The following HEBP2 variants were observed in gnomAD, a reference collection of about 807,000 sequenced individuals.
HEBP2 encodes the protein heme binding protein 2, also known as heme-binding protein 2.
HEBP2 carries 27 observed loss-of-function variants against 23.1 expected under a neutral mutation model. That is an observed-to-expected ratio of 1.17 (90% CI 0.86 to 1.61). The LOEUF is 1.61. Ranked by LOEUF, HEBP2 falls within the 40% of genes most tolerant of loss-of-function variation. HEBP2 has a pLI of 0.00. For synonymous variants in HEBP2, 99 were observed against 95.1 expected, an observed-to-expected ratio of 1.04 and a Z score of -0.24; for missense variants, 245 against 253.8, an observed-to-expected ratio of 0.97 and a Z score of 0.24.
rs1246953454 is a variant in HEBP2, at chr6:138,404,242, C to G, written c.-254C>G. The G allele has an allele frequency of 3.2e-6, 1 of 316,652 alleles. No individual in the cohort carries two copies. The highest frequency in any genetic ancestry group is 5.7e-6 in the Non-Finnish European group (1 of 174,086). 19.6% of individuals were successfully genotyped at this position (316,652 alleles called of 1,614,324 possible). A position where few individuals can be genotyped will look rare whatever the true frequency, so the allele number is the denominator to read the frequency against. On this transcript the variant is annotated 5_prime_UTR_variant, in exon 1 of 4. Coordinates refer to ENST00000607197, the MANE Select transcript of HEBP2 (RefSeq NM_014320.3). ...GCGGCTCCCTGTCGCCGCGGAGGGG[C>G]GGGGGCAGGACGCGCAACTCCGGCC...
At position 138,404,491 on chromosome 6, in the gene HEBP2, C is replaced by G; in HGVS notation, c.-5C>G. 2 of 1,274,930 alleles carry G rather than the reference C, an allele frequency of 1.6e-6. No homozygotes were observed. The highest frequency in any genetic ancestry group is 2.0e-6 in the Non-Finnish European group (2 of 1,011,288). 79.0% of individuals were successfully genotyped at this position (1,274,930 alleles called of 1,614,324 possible). ...GACCAGGCTCCCAGAGCGTCAGCGC[C>G]GCCCATGGCCGAGCCGCTCCAGCCA... On this transcript the variant is annotated 5_prime_UTR_variant, in exon 1 of 4. Coordinates refer to ENST00000607197, the MANE Select transcript of HEBP2 (RefSeq NM_014320.3).
In HEBP2 at chr6:138,417,112, T is replaced by G. The variant is rs1378652291; in HGVS notation, c.*4034T>G. 6.6e-6 allele frequency: 1 copy of G among 152,122 alleles called. No individual in the cohort carries two copies. The highest frequency in any genetic ancestry group is 1.5e-5 in the Non-Finnish European group (1 of 68,022). 9.4% of individuals were successfully genotyped at this position (152,122 alleles called of 1,614,324 possible). On this transcript the variant is annotated 3_prime_UTR_variant, in exon 4 of 4. Coordinates refer to ENST00000607197, the MANE Select transcript of HEBP2 (RefSeq NM_014320.3). ...AAAGAGTCATTACAGTTCCTCCTCC[T>G]CCCATTAAAATGGGAGCATACAGAG...
chr6:138,414,950 G>A lies in HEBP2; in HGVS notation c.*1872G>A, dbSNP rs1774817228. 1 of 152,204 alleles carries A rather than the reference G, an allele frequency of 6.6e-6. No individual in the cohort carries two copies. Among genetic ancestry groups the A allele is most frequent in the Admixed American group, 6.5e-5 (1 of 15,278 alleles). The allele number at this position is 152,204 out of a possible 1,614,324, so 9.4% of individuals were successfully genotyped here. A position where few individuals can be genotyped will look rare whatever the true frequency, so the allele number is the denominator to read the frequency against. On this transcript the variant is annotated 3_prime_UTR_variant, in exon 4 of 4. Transcript: ENST00000607197. The stretch of plus-strand genomic sequence containing the variant: ...ACACGCCTGTATTCCTAGCTCCTGA[G>A]GTGAAAGGATTGCTTGAGCTCGGGA...
rs2114761125 is a variant in HEBP2 at position 138,404,272 on chromosome 6, C to G, written c.-224C>G. 1 of 325,686 alleles carries G rather than the reference C, an allele frequency of 3.1e-6. No individual in the cohort carries two copies. 20.2% of individuals were successfully genotyped at this position (325,686 alleles called of 1,614,324 possible). On this transcript the variant is annotated 5_prime_UTR_variant, in exon 1 of 4. Transcript: ENST00000607197. ...GCAGGACGCGCAACTCCGGCCGGAG[C>G]TGTCCGGGGTCGTGAGCCGGCCCCG...
intron 1 of HEBP2, 72 bp from the exon 2 acceptor site, chr6:138,405,073 G>C (rs1039781305): frequency 4.9e-5 from 76 of 1,535,914 alleles, no homozygotes; most frequent in African/African-American, 6.9e-5. Flanking sequence ...CGAGATCATG[G>C]CACCGGTATT....
chr6:138,412,360 C>T (rs1774761489), intron 3 of HEBP2: 1 of 228,042 alleles, frequency 4.4e-6, no homozygotes, highest in Non-Finnish European at 8.8e-6. Context: ...GGGGATGCAT[C>T]CTCCTGGGTT....
intron 2 of HEBP2, among the ~76,000 whole-genome samples, chr6:138,405,766 G>C (rs945496165): frequency 2.6e-5 from 4 of 152,128 alleles, no homozygotes; most frequent in African/African-American, 9.7e-5. Context: ...TATTAACCCA[G>C]AATATCAGTA....
Position 138,413,607 on chromosome 6 carries a change from T to G in HEBP2, c.*529T>G, listed in dbSNP as rs1774790260. The G allele has an allele frequency of 6.5e-6, 1 of 152,982 alleles. No individual in the cohort carries two copies. The highest frequency in any genetic ancestry group is 2.4e-5 in the African/African-American group (1 of 41,462). The allele number at this position is 152,982 out of a possible 1,614,324, so 9.5% of individuals were successfully genotyped here. On this transcript the variant is annotated 3_prime_UTR_variant, in exon 4 of 4. Coordinates refer to ENST00000607197, the MANE Select transcript of HEBP2 (RefSeq NM_014320.3). ...CCACTGCCCCACTGCACAAGAATAC[T>G]CCATGTAACTCCATTTAAATGTAAT...
At chr6:138,410,242 G>T (rs1360169666) in intron 3 of HEBP2, among the ~76,000 whole-genome samples, 1 of 152,190 alleles carries the variant, frequency 6.6e-6, no homozygotes, top group Admixed American at 6.5e-5. Context: ...GCAGGCACGT[G>T]GGGGTGAGGG....
In HEBP2 at chr6:138,421,099, T is replaced by C. The variant is rs1355490959; in HGVS notation, c.*8021T>C. The C allele has an allele frequency of 7.2e-5, 11 of 152,210 alleles. No homozygotes were observed. Among genetic ancestry groups the C allele is most frequent in the Admixed American group, 7.2e-4 (11 of 15,282 alleles). The allele number at this position is 152,210 out of a possible 1,614,324, so 9.4% of individuals were successfully genotyped here. A position where few individuals can be genotyped will look rare whatever the true frequency, so the allele number is the denominator to read the frequency against. On this transcript the variant is annotated 3_prime_UTR_variant, in exon 4 of 4. Coordinates refer to ENST00000607197, the MANE Select transcript of HEBP2 (RefSeq NM_014320.3). ...TGTATTACAGTTACCGAGTGGCTTA[T>C]TAAGGAAAGTGGCGCAACAATCAGG...
intron 3 of HEBP2, among the ~76,000 whole-genome samples, chr6:138,409,689 G>A (rs906096261): frequency 2.6e-5 from 4 of 152,078 alleles, no homozygotes; most frequent in African/African-American, 4.8e-5. Context: ...CAAAATCTCC[G>A]TTGGATTCCT....
intron 2 of HEBP2, 147 bp downstream of exon 2, chr6:138,405,427 C>G: frequency 1.0e-6 from 1 of 1,000,496 alleles, no homozygotes; most frequent in South Asian, 1.5e-5. Flanking sequence ...CAAGACTCCT[C>G]AGGACCAGGG....
In HEBP2 at chr6:138,413,167, T is replaced by G; in HGVS notation, c.*89T>G. ...ACCTATAAGTAAAGTGCGTGTCTAGTGTCTTCTATTGAGAGTACTACTATT... is the reference window on the plus strand; with the variant it reads ...ACCTATAAGTAAAGTGCGTGTCTAGGGTCTTCTATTGAGAGTACTACTATT... On this transcript the variant is annotated 3_prime_UTR_variant, in exon 4 of 4. Coordinates refer to ENST00000607197, the MANE Select transcript of HEBP2 (RefSeq NM_014320.3). The G allele has an allele frequency of 1.0e-6, 1 of 958,384 alleles. No homozygotes were observed. 59.4% of individuals were successfully genotyped at this position (958,384 alleles called of 1,614,324 possible).
At position 138,417,042 on chromosome 6, in the gene HEBP2, C is replaced by T. The variant is rs929805106; in HGVS notation, c.*3964C>T. The T allele has an allele frequency of 1.3e-5, 2 of 152,160 alleles. No homozygotes were observed. The highest frequency in any genetic ancestry group is 4.8e-5 in the African/African-American group (2 of 41,438). 9.4% of individuals were successfully genotyped at this position (152,160 alleles called of 1,614,324 possible). ...CTCTACCCTGGGGAAAGAGGAATACCTGGATACGTCAGGGTCCAAGTTAAC... is the reference window on the plus strand; with the variant it reads ...CTCTACCCTGGGGAAAGAGGAATACTTGGATACGTCAGGGTCCAAGTTAAC... On this transcript the variant is annotated 3_prime_UTR_variant, in exon 4 of 4. Coordinates refer to ENST00000607197, the MANE Select transcript of HEBP2 (RefSeq NM_014320.3).
At position 138,414,605 on chromosome 6, in the gene HEBP2, C is replaced by T. The variant is rs1334685367; in HGVS notation, c.*1527C>T. On this transcript the variant is annotated 3_prime_UTR_variant, in exon 4 of 4. Transcript: ENST00000607197. Reference sequence around the variant, plus strand: ...GGGTGTGGTTCGCCGACAGTCTCCCCGTTACCGTCTTCAGGGTCCACGCCA... The same window carrying T: ...GGGTGTGGTTCGCCGACAGTCTCCCTGTTACCGTCTTCAGGGTCCACGCCA... The T allele has an allele frequency of 2.0e-5, 3 of 152,228 alleles. No individual in the cohort carries two copies. Among genetic ancestry groups the T allele is most frequent in the East Asian group, 1.9e-4 (1 of 5,200 alleles). The allele number at this position is 152,228 out of a possible 1,614,324, so 9.4% of individuals were successfully genotyped here.
upstream of HEBP2, chr6:138,403,633 G>T: frequency 2.3e-6 from 1 of 433,822 alleles, no homozygotes; most frequent in Non-Finnish European, 4.1e-6. Flanking sequence ...CGCGGAGTCG[G>T]CCTGGCCGGC....
At chr6:138,406,728 A>C (rs1774651551) in intron 3 of HEBP2, among the ~76,000 whole-genome samples, 1 of 152,198 alleles carries the variant, frequency 6.6e-6, no homozygotes, top group African/African-American at 2.4e-5. Flanking sequence ...TCATCTCCTA[A>C]TACTATCACA....
rs142521821 is a variant in HEBP2 at position 138,404,390 on chromosome 6, G to C, written c.-106G>C. 380 of 694,882 alleles carry C rather than the reference G, an allele frequency of 5.5e-4. 2 individuals are homozygous for C. The Middle Eastern group carries it at 7.5e-3, about 14-fold the overall frequency. 43.0% of individuals were successfully genotyped at this position (694,882 alleles called of 1,614,324 possible). On this transcript the variant is annotated 5_prime_UTR_variant, in exon 1 of 4. Coordinates refer to ENST00000607197, the MANE Select transcript of HEBP2 (RefSeq NM_014320.3). ...GCCGGGAGGAGGGACCGGGTCTGCGGAGCGGGGACTCGGGGCCTCGGCGGG... is the reference window on the plus strand; with the variant it reads ...GCCGGGAGGAGGGACCGGGTCTGCGCAGCGGGGACTCGGGGCCTCGGCGGG...
chr6:138,404,394 G>T lies in HEBP2; in HGVS notation c.-102G>T. ...GGAGGAGGGACCGGGTCTGCGGAGCGGGGACTCGGGGCCTCGGCGGGGCGC... is the reference window on the plus strand; with the variant it reads ...GGAGGAGGGACCGGGTCTGCGGAGCTGGGACTCGGGGCCTCGGCGGGGCGC... On this transcript the variant is annotated 5_prime_UTR_variant, in exon 1 of 4. Coordinates refer to ENST00000607197, the MANE Select transcript of HEBP2 (RefSeq NM_014320.3). The T allele has an allele frequency of 2.8e-6, 2 of 721,802 alleles. No homozygotes were observed. The highest frequency in any genetic ancestry group is 1.9e-6 in the Non-Finnish European group (1 of 532,918). 44.7% of individuals were successfully genotyped at this position (721,802 alleles called of 1,614,324 possible).
Sources: gnomAD v4.1 joint callset for allele counts (sites outside exome capture counted in the v4.1 genomes callset) on GRCh38, gnomAD v4.1.1 for gene constraint, MANE v1.5 for transcripts, NCBI Gene and HGNC (gene_info 2026-07-23, HGNC 2026-07-21) for gene names.